PALLD: variants seen among roughly 807,000 people sequenced by gnomAD.
PALLD encodes the protein palladin, cytoskeletal associated protein, also known as palladin.
PALLD carries 61 observed loss-of-function variants against 123.5 expected under a neutral mutation model. The ratio of observed to expected loss-of-function variants is 0.49; its 90% CI spans 0.40 to 0.61. PALLD has a LOEUF of 0.61. PALLD is among the 20% of genes least tolerant of loss of function. The pLI, the probability that PALLD is intolerant of heterozygous loss-of-function variation, is 0.00. For missense variants in PALLD, 1,273 were observed against 1,377.0 expected (o/e 0.92, Z 1.20); for synonymous variants, 465 against 496.4 (o/e 0.94, Z 0.84).
rs200152923 is a variant in PALLD at position 168,600,080 on chromosome 4, C to T, written c.909-68110C>T. 5.8e-3 allele frequency among the ~76,000 whole-genome samples: 572 copies of T among 98,930 alleles called. 6 individuals carry two copies. Among genetic ancestry groups the T allele is most frequent in the Middle Eastern group, 0.031 (6 of 192 alleles). The allele number at this position is 98,930 out of a possible 152,430, so 64.9% of individuals were successfully genotyped here. ...ATATACATACATGTGTATACACACA[C>T]ATATATACATGCATGTGTATGCACA... On this transcript the variant is annotated intron_variant, in intron 2 of 21. Coordinates refer to ENST00000505667, the MANE Select transcript of PALLD (RefSeq NM_001166108.2).
At chr4:168,745,426 G>T (rs867325724) in intron 10 of PALLD, among the ~76,000 whole-genome samples, 9 of 125,948 alleles carry the variant, frequency 7.1e-5, no homozygotes, top group South Asian at 2.8e-4. Context: ...TGTGAGATGG[G>T]AGGGGGGGGC....
At chr4:168,916,491 A>ACTTTAAATTT (rs11280960) in intron 17 of PALLD, among the ~76,000 whole-genome samples, 1 of 151,412 alleles carries the variant, frequency 6.6e-6, no homozygotes, top group African/African-American at 2.4e-5. Context: ...ATGATTCTTT[A>ACTTTAAATTT]AATCTAAATT....
chr4:168,698,285 T>C (rs1189623946), intron 8 of PALLD, among the ~76,000 whole-genome samples: 2 of 152,204 alleles, frequency 1.3e-5, no homozygotes, highest in Admixed American at 6.5e-5. Flanking sequence ...AGACCTAGTA[T>C]TTGATAGCAC....
chr4:168,679,457 A>C (rs1479969884), intron 3 of PALLD, among the ~76,000 whole-genome samples: 1 of 48,168 alleles, frequency 2.1e-5, no homozygotes, highest in African/African-American at 9.9e-5. Context: ...TGGTGGGGTG[A>C]GTATGGACGT....
intron 2 of PALLD, chr4:168,598,518 G>T: frequency 2.2e-6 from 1 of 445,680 alleles, no homozygotes; most frequent in Non-Finnish European, 4.4e-6. Flanking sequence ...AGAGGTAATT[G>T]CAAAGATGTT....
chr4:168,740,019 C>A (rs1358253564), intron 10 of PALLD, among the ~76,000 whole-genome samples: 1 of 152,058 alleles, frequency 6.6e-6, no homozygotes, highest in Admixed American at 6.6e-5. Context: ...CAACAGGCAG[C>A]ATGATAATTC....
At chr4:168,593,028 A>C (rs1465427772) in intron 2 of PALLD, among the ~76,000 whole-genome samples, 1 of 152,112 alleles carries the variant, frequency 6.6e-6, no homozygotes, top group Non-Finnish European at 1.5e-5. Context: ...TTAAAAAAAA[A>C]AAAGTCAACT....
chr4:168,909,019 A>G (rs1471702749), intron 15 of PALLD, among the ~76,000 whole-genome samples: 1 of 152,222 alleles, frequency 6.6e-6, no homozygotes, highest in Non-Finnish European at 1.5e-5. Flanking sequence ...ATCACACTCG[A>G]TGTGTGTAGC....
At chr4:168,657,966 AAG>A in intron 2 of PALLD, among the ~76,000 whole-genome samples, 1 of 152,288 alleles carries the variant, frequency 6.6e-6, no homozygotes, top group African/African-American at 2.4e-5. Context: ...GTCTCAAAAA[AAG>A]AGAGAGAGCT....
intron 15 of PALLD, among the ~76,000 whole-genome samples, chr4:168,911,360 C>T (rs1758909189): frequency 6.6e-6 from 1 of 152,082 alleles, no homozygotes. Flanking sequence ...TTTAACTTAC[C>T]ATGGATCTTC....
chr4:168,596,457 T>G (rs1771986930), intron 2 of PALLD, among the ~76,000 whole-genome samples: 1 of 152,052 alleles, frequency 6.6e-6, no homozygotes. Context: ...CCAAATGTGT[T>G]TCTATGTAGG....
At chr4:168,719,515 C>T (rs62333914) in intron 10 of PALLD, among the ~76,000 whole-genome samples, 4,845 of 152,166 alleles carry the variant, frequency 0.032, 141 homozygotes, top group South Asian at 0.049. Flanking sequence ...CCGCCTTGGC[C>T]TCCTCAAGTG....
At chr4:168,723,779 C>G (rs1443961017) in intron 10 of PALLD, among the ~76,000 whole-genome samples, 1 of 152,042 alleles carries the variant, frequency 6.6e-6, no homozygotes, top group African/African-American at 2.4e-5. Flanking sequence ...GAAATAGAGC[C>G]ATTTCCAATA....
chr4:168,532,094 C>T (rs1397864699), intron 2 of PALLD, among the ~76,000 whole-genome samples: 1 of 152,164 alleles, frequency 6.6e-6, no homozygotes, highest in Non-Finnish European at 1.5e-5. Flanking sequence ...TCCCATCCTT[C>T]ACCCTCTGGC....
At chr4:168,609,883 G>A (rs996869628) in intron 2 of PALLD, among the ~76,000 whole-genome samples, 2 of 152,050 alleles carry the variant, frequency 1.3e-5, no homozygotes, top group African/African-American at 4.8e-5. Flanking sequence ...TGCAGATATT[G>A]TCCTCCACAA....
intron 10 of PALLD, among the ~76,000 whole-genome samples, chr4:168,723,891 CTT>C (rs59055427): frequency 2.7e-5 from 3 of 111,734 alleles, no homozygotes; most frequent in South Asian, 2.9e-4. Flanking sequence ...TTGAGTTGGG[CTT>C]TTTTTTTTTT....
rs116213266 is a variant in PALLD, at chr4:168,540,231, G to A, written c.908+27819G>A. On this transcript the variant is annotated intron_variant, in intron 2 of 21. Coordinates refer to ENST00000505667, the MANE Select transcript of PALLD (RefSeq NM_001166108.2). The stretch of plus-strand genomic sequence containing the variant: ...ACAGTGACTTCCATAGTCGTCATAG[G>A]CGACTACTATCAGATTCCATCTCAA... Among the ~76,000 whole-genome samples the A allele has an allele frequency of 2.3e-3, 354 of 152,274 alleles. 1 individual carries two copies. Among genetic ancestry groups the A allele is most frequent in the Middle Eastern group, 0.014 (4 of 294 alleles).
chr4:168,573,929 T>A (rs1216769132), intron 2 of PALLD, among the ~76,000 whole-genome samples: 2 of 151,718 alleles, frequency 1.3e-5, no homozygotes, highest in African/African-American at 4.8e-5. Flanking sequence ...AAACAACTTC[T>A]GGGAAGCAGC....
chr4:168,916,148 C>G (rs1037613400), intron 17 of PALLD, 121 bp downstream of exon 17: 2 of 977,362 alleles, frequency 2.0e-6, no homozygotes, highest in Non-Finnish European at 3.2e-6. Flanking sequence ...CACAGTGGCT[C>G]ACACCTATAA....
Sources: allele counts gnomAD v4.1 joint callset (sites outside exome capture counted in the v4.1 genomes callset), GRCh38; gene constraint gnomAD v4.1.1; transcripts MANE v1.5; gene names NCBI Gene and HGNC (gene_info 2026-07-23, HGNC 2026-07-21).